FRMPD4: variants seen among roughly 807,000 people sequenced by gnomAD.
The protein encoded by FRMPD4 is FERM and PDZ domain containing 4.
FRMPD4 carries 22 observed loss-of-function variants against 94.1 expected under a neutral mutation model. That is an observed-to-expected ratio of 0.23 (90% CI 0.17 to 0.33). The LOEUF (loss-of-function observed/expected upper bound fraction) is 0.33, where lower values mean the gene tolerates loss of function less well. Among genes scored for constraint, FRMPD4 ranks in the 10% least tolerant of loss-of-function variants. FRMPD4 has a pLI of 1.00. For missense variants in FRMPD4, 1,111 were observed against 1,339.9 expected, an observed-to-expected ratio of 0.83 and a Z score of 2.67; for synonymous variants, 631 against 548.6, an observed-to-expected ratio of 1.15 and a Z score of -2.10.
At chrX:12,687,367 C>G (rs1418662772) in intron 7 of FRMPD4, among the ~76,000 whole-genome samples, 1 of 111,776 alleles carries the variant, frequency 8.9e-6, no homozygotes, top group Non-Finnish European at 1.9e-5. Context: ...CATTCATTAT[C>G]AATTTGTGGT....
intron 10 of FRMPD4, among the ~76,000 whole-genome samples, chrX:12,702,882 A>C (rs368039736): frequency 8.9e-6 from 1 of 112,376 alleles, no homozygotes; most frequent in African/African-American, 3.2e-5. Context: ...TAGCCTGAGA[A>C]AGACTTGGCT....
intron 3 of FRMPD4, among the ~76,000 whole-genome samples, chrX:11,883,017 A>T (rs1398918693): frequency 3.6e-5 from 4 of 110,683 alleles, no homozygotes; most frequent in Non-Finnish European, 5.7e-5. Context: ...TCATTCAAAC[A>T]CTCTTTATTG....
At chrX:12,137,939 G>A (rs1163421427), upstream of FRMPD4, among the ~76,000 whole-genome samples, 1 of 112,005 alleles carries the variant, frequency 8.9e-6, no homozygotes, top group Non-Finnish European at 1.9e-5. Flanking sequence ...GTTAGAATTA[G>A]CCTCCGCATC....
At chrX:12,627,133 G>A (rs989271369) in intron 4 of FRMPD4, among the ~76,000 whole-genome samples, 7 of 111,049 alleles carry the variant, frequency 6.3e-5, no homozygotes, top group Non-Finnish European at 1.3e-4. Context: ...AAAATTAGCC[G>A]GGCATGGTGG....
At chrX:12,284,136 T>G (rs2054565729) in intron 1 of FRMPD4, among the ~76,000 whole-genome samples, 1 of 112,209 alleles carries the variant, frequency 8.9e-6, no homozygotes, top group African/African-American at 3.2e-5. Flanking sequence ...TGAACAGCTA[T>G]TATCGTTGAA....
chrX:12,306,486 C>G (rs1259236458), intron 1 of FRMPD4, among the ~76,000 whole-genome samples: 1 of 111,906 alleles, frequency 8.9e-6, no homozygotes, highest in Admixed American at 9.5e-5. Context: ...TAATTATTTT[C>G]TTTCTCTTAT....
At chrX:11,933,649 A>C (rs2054134214) in intron 3 of FRMPD4, among the ~76,000 whole-genome samples, 1 of 112,742 alleles carries the variant, frequency 8.9e-6, no homozygotes, top group Admixed American at 9.4e-5. Context: ...TTCAGGAGCC[A>C]ACTGTACTCA....
At chrX:12,515,586 TGA>T (rs2058087546) in intron 2 of FRMPD4, among the ~76,000 whole-genome samples, 1 of 112,155 alleles carries the variant, frequency 8.9e-6, no homozygotes, top group South Asian at 3.7e-4. Flanking sequence ...TTGCATTTCT[TGA>T]GGAGTGTTTC....
At chrX:11,825,518 T>A (rs749315572) in intron 1 of FRMPD4, among the ~76,000 whole-genome samples, 1 of 110,755 alleles carries the variant, frequency 9.0e-6, no homozygotes, top group Non-Finnish European at 1.9e-5. Context: ...CCTTATGAGG[T>A]TATGTAGGAG....
intron 4 of FRMPD4, among the ~76,000 whole-genome samples, chrX:12,640,296 C>CAAAA (rs1157854116): frequency 4.2e-4 from 10 of 23,791 alleles, no homozygotes; most frequent in African/African-American, 1.7e-3. Flanking sequence ...GAGGCTGTCT[C>CAAAA]AAAAAAAAAA....
chrX:12,231,034 A>G (rs188806751), intron 1 of FRMPD4, among the ~76,000 whole-genome samples: 531 of 31,104 alleles, frequency 0.017, 4 homozygotes, highest in Middle Eastern at 0.029. Flanking sequence ...TATATAGTAT[A>G]TATATATATA....
intron 3 of FRMPD4, among the ~76,000 whole-genome samples, chrX:11,885,022 C>T (rs1376854378): frequency 9.0e-6 from 1 of 111,570 alleles, no homozygotes. Flanking sequence ...CATCCCACTT[C>T]TAGGTATATT....
intron 2 of FRMPD4, among the ~76,000 whole-genome samples, chrX:12,553,534 C>G (rs1294213876): frequency 9.8e-6 from 1 of 102,142 alleles, no homozygotes; most frequent in African/African-American, 3.6e-5. Flanking sequence ...GGCCCCCTCC[C>G]TTTAACAACC....
chrX:11,920,415 G>T (rs2054048770), intron 3 of FRMPD4, among the ~76,000 whole-genome samples: 1 of 111,468 alleles, frequency 9.0e-6, no homozygotes, highest in Non-Finnish European at 1.9e-5. Context: ...ACTTTCTCCA[G>T]TTCCCAAACG....
intron 1 of FRMPD4, among the ~76,000 whole-genome samples, chrX:12,476,255 G>A (rs1251915727): frequency 6.3e-5 from 7 of 111,678 alleles, no homozygotes; most frequent in African/African-American, 2.3e-4. Flanking sequence ...AAAACTGGCT[G>A]GCCATATGTA....
intron 3 of FRMPD4, among the ~76,000 whole-genome samples, chrX:11,900,904 C>G (rs1482685511): frequency 9.0e-6 from 1 of 111,074 alleles, no homozygotes; most frequent in African/African-American, 3.3e-5. Context: ...TCTGTTGACC[C>G]CCATCGCAGA....
At chrX:11,920,732 A>G (rs192105949) in intron 3 of FRMPD4, among the ~76,000 whole-genome samples, 5 of 112,206 alleles carry the variant, frequency 4.5e-5, no homozygotes, top group African/African-American at 1.6e-4. Flanking sequence ...ACAAGGCCAT[A>G]GTGCTAATAG....
chrX:12,460,570 C>T (rs993094663), intron 1 of FRMPD4, among the ~76,000 whole-genome samples: 1 of 112,328 alleles, frequency 8.9e-6, no homozygotes, highest in East Asian at 2.8e-4. Flanking sequence ...ATTTTAATGG[C>T]ATTTGAAGCA....
intron 3 of FRMPD4, among the ~76,000 whole-genome samples, chrX:12,088,440 A>G (rs2055128439): frequency 8.9e-6 from 1 of 111,899 alleles, no homozygotes; most frequent in African/African-American, 3.2e-5. Flanking sequence ...CATTCAGTCC[A>G]TTGCACACCT....
Sources: gnomAD v4.1 joint callset for allele counts (sites outside exome capture counted in the v4.1 genomes callset) on GRCh38, gnomAD v4.1.1 for gene constraint, MANE v1.5 for transcripts, NCBI Gene and HGNC (gene_info 2026-07-23, HGNC 2026-07-21) for gene names.